The following DOCK8 variants were observed in gnomAD, a reference collection of about 807,000 sequenced individuals.
DOCK8 encodes the protein dedicator of cytokinesis 8.
In DOCK8, 141 loss-of-function variants were observed where a neutral mutation model predicts 245.6. The observed-to-expected ratio is 0.57, with a 90% CI of 0.50 to 0.66. The LOEUF is 0.66. DOCK8 is among the 30% of genes least tolerant of loss of function. DOCK8 has a pLI of 0.00. For missense variants in DOCK8, 2,965 were observed against 2,603.4 expected (o/e 1.14, Z -3.02); for synonymous variants, 1,168 against 970.2 (o/e 1.20, Z -3.79).
chr9:394,807 A>C (rs537941323), intron 24 of DOCK8, among the ~76,000 whole-genome samples: 1 of 152,340 alleles, frequency 6.6e-6, no homozygotes, highest in Non-Finnish European at 1.5e-5. Flanking sequence ...CCAGGCCTCC[A>C]CTAGTGTTTC....
At chr9:214,560 C>T, upstream of DOCK8, 8 of 1,613,964 alleles carry the variant, frequency 5.0e-6, no homozygotes, top group Non-Finnish European at 6.8e-6. Context: ...GGGGCTCCCC[C>T]GACTTGCCTA....
At chr9:302,857 G>T (rs1214636700) in intron 4 of DOCK8, among the ~76,000 whole-genome samples, 1 of 152,146 alleles carries the variant, frequency 6.6e-6, no homozygotes, top group Non-Finnish European at 1.5e-5. Flanking sequence ...GACTGGGCAT[G>T]TGGCTTATGC....
At chr9:361,936 T>G (rs757283785) in intron 14 of DOCK8, among the ~76,000 whole-genome samples, 1 of 152,220 alleles carries the variant, frequency 6.6e-6, no homozygotes, top group African/African-American at 2.4e-5. Flanking sequence ...TCACTCAACA[T>G]TATACACTGA....
intron 20 of DOCK8, among the ~76,000 whole-genome samples, chr9:379,073 A>G (rs1224231080): frequency 1.3e-5 from 2 of 152,210 alleles, no homozygotes; most frequent in African/African-American, 4.8e-5. Flanking sequence ...GCATGAGCAA[A>G]GTCTCAGAGG....
chr9:215,399 A>G (rs973004457), intron 1 of DOCK8: 2 of 1,557,042 alleles, frequency 1.3e-6, no homozygotes, highest in African/African-American at 1.4e-5. Context: ...TGTCTCATAA[A>G]CGGCTCCTTC....
chr9:386,455 C>G (rs748888347), intron 23 of DOCK8, 29 bp downstream of exon 23: 1 of 1,590,410 alleles, frequency 6.3e-7, no homozygotes, highest in Admixed American at 1.7e-5. Context: ...TGAGGTTCAT[C>G]CCAGGATAAG....
chr9:212,851 T>C (rs1331093976), upstream of DOCK8: 2 of 152,246 alleles, frequency 1.3e-5, no homozygotes, highest in Admixed American at 6.5e-5. Context: ...TTTATGTTTG[T>C]GTGAAACCAG....
At chr9:436,158 G>T (rs1184593928) in intron 39 of DOCK8, among the ~76,000 whole-genome samples, 11 of 152,190 alleles carry the variant, frequency 7.2e-5, no homozygotes, top group Non-Finnish European at 1.5e-4. Context: ...GCAAAGCTGG[G>T]TATTGCCTCC....
intron 6 of DOCK8, among the ~76,000 whole-genome samples, chr9:313,833 G>T (rs1274457756): frequency 6.6e-6 from 1 of 152,186 alleles, no homozygotes; most frequent in Non-Finnish European, 1.5e-5. Flanking sequence ...TTTCTACAAT[G>T]TATGCATAGA....
At chr9:351,668 G>A (rs990686705) in intron 14 of DOCK8, among the ~76,000 whole-genome samples, 4 of 152,230 alleles carry the variant, frequency 2.6e-5, no homozygotes, top group African/African-American at 9.6e-5. Context: ...CACTGAATGG[G>A]ACTGAGAAAG....
At chr9:351,391 C>G (rs577168912) in intron 14 of DOCK8, among the ~76,000 whole-genome samples, 1 of 152,138 alleles carries the variant, frequency 6.6e-6, no homozygotes, top group African/African-American at 2.4e-5. Flanking sequence ...GAAAAGGGCC[C>G]CAGTAGGGAG....
At chr9:442,646 C>G (rs1429801665) in intron 42 of DOCK8, among the ~76,000 whole-genome samples, 1 of 151,202 alleles carries the variant, frequency 6.6e-6, no homozygotes, top group African/African-American at 2.5e-5. Context: ...AAAAGAAACA[C>G]AGGTTATAAG....
intron 26 of DOCK8, among the ~76,000 whole-genome samples, chr9:400,947 TCACCACCAC>T (rs751022932): frequency 2.5e-4 from 7 of 28,544 alleles, no homozygotes; most frequent in East Asian, 1.6e-3. Context: ...ACCACCACCA[TCACCACCAC>T]CACCACCACC....
intron 25 of DOCK8, 103 bp from the exon 26 acceptor site, chr9:399,043 C>A: frequency 9.4e-7 from 1 of 1,065,062 alleles, no homozygotes; most frequent in Non-Finnish European, 1.4e-6. Context: ...AGGACAGTGG[C>A]TGAAATAATA....
chr9:355,438 G>C (rs2052389836), intron 14 of DOCK8, among the ~76,000 whole-genome samples: 1 of 151,890 alleles, frequency 6.6e-6, no homozygotes, highest in Non-Finnish European at 1.5e-5. Flanking sequence ...TCCTGACCCT[G>C]TGATCTACCC....
At chr9:286,140 A>G (rs1193248815) in intron 2 of DOCK8, among the ~76,000 whole-genome samples, 2 of 152,236 alleles carry the variant, frequency 1.3e-5, no homozygotes, top group Admixed American at 1.3e-4. Flanking sequence ...GGGAGAAATT[A>G]TAAAAATTCA....
intron 43 of DOCK8, 135 bp from the exon 44 acceptor site, chr9:446,235 C>T (rs1005377598): frequency 2.5e-6 from 2 of 790,348 alleles, no homozygotes; most frequent in Non-Finnish European, 4.5e-6. Flanking sequence ...GCCACATTCT[C>T]CCCTGCATCT....
At chr9:239,594 C>G (rs1323539806) in intron 1 of DOCK8, among the ~76,000 whole-genome samples, 3 of 152,106 alleles carry the variant, frequency 2.0e-5, no homozygotes, top group African/African-American at 7.2e-5. Flanking sequence ...GTTTCCTATT[C>G]TTTTCAAAAA....
intron 3 of DOCK8, among the ~76,000 whole-genome samples, chr9:288,324 G>A (rs1386383326): frequency 6.6e-6 from 1 of 152,150 alleles, no homozygotes; most frequent in African/African-American, 2.4e-5. Flanking sequence ...AGCTGTGATG[G>A]CGTGGTAGTG....
Sources: gnomAD v4.1 joint callset for allele counts (sites outside exome capture counted in the v4.1 genomes callset) on GRCh38, gnomAD v4.1.1 for gene constraint, MANE v1.5 for transcripts, NCBI Gene and HGNC (gene_info 2026-07-23, HGNC 2026-07-21) for gene names.